Variants in ELOVL7 observed in about 807,000 individuals in gnomAD.
The protein encoded by ELOVL7 is ELOVL fatty acid elongase 7.
ELOVL7 carries 27 observed loss-of-function variants against 35.7 expected under a neutral mutation model. That is an observed-to-expected ratio of 0.76 (90% CI 0.56 to 1.04). ELOVL7 has a LOEUF of 1.04. Among genes scored for constraint, ELOVL7 ranks in the 50% least tolerant of loss-of-function variants. The probability of loss-of-function intolerance (pLI) is 0.00; values close to 1 mark genes in which losing one functional copy is unlikely to be tolerated. For missense variants in ELOVL7, 327 were observed against 340.8 expected (o/e 0.96, Z 0.32); for synonymous variants, 113 against 114.6 (o/e 0.99, Z 0.09).
intron 2 of ELOVL7, among the ~76,000 whole-genome samples, chr5:60,795,822 T>C (rs1373872052): frequency 7.1e-6 from 1 of 140,956 alleles, no homozygotes; most frequent in African/African-American, 2.7e-5. Context: ...TCCACGGTTC[T>C]CTTCCGTGAC....
At chr5:60,824,402 T>G (rs1017717238) in intron 1 of ELOVL7, among the ~76,000 whole-genome samples, 2 of 152,148 alleles carry the variant, frequency 1.3e-5, no homozygotes, top group Non-Finnish European at 2.9e-5. Context: ...CTCTAAGGCA[T>G]GTGGGATTGA....
chr5:60,797,909 T>C (rs1042651693), intron 2 of ELOVL7, among the ~76,000 whole-genome samples: 4 of 152,340 alleles, frequency 2.6e-5, no homozygotes, highest in South Asian at 2.1e-4. Context: ...GATAAATGCA[T>C]ACCTGATTGC....
chr5:60,802,143 C>A, intron 1 of ELOVL7, among the ~76,000 whole-genome samples: 1 of 132,764 alleles, frequency 7.5e-6, no homozygotes, highest in East Asian at 2.0e-4. Flanking sequence ...CACATATATC[C>A]TATTGGTTCT....
At chr5:60,841,218 G>T (rs1323460161) in intron 1 of ELOVL7, among the ~76,000 whole-genome samples, 1 of 151,814 alleles carries the variant, frequency 6.6e-6, no homozygotes, top group African/African-American at 2.4e-5. Context: ...TAGAGATGGG[G>T]TTTCACCATT....
At chr5:60,842,955 T>C (rs1476075115) in intron 1 of ELOVL7, among the ~76,000 whole-genome samples, 1 of 151,966 alleles carries the variant, frequency 6.6e-6, no homozygotes, top group African/African-American at 2.4e-5. Context: ...GGGAGACCAA[T>C]TTCTGATCAG....
chr5:60,835,559 A>C (rs1377959212), intron 1 of ELOVL7, among the ~76,000 whole-genome samples: 1 of 151,834 alleles, frequency 6.6e-6, no homozygotes, highest in East Asian at 1.9e-4. Flanking sequence ...CTACAGACGC[A>C]TGCCACCACA....
chr5:60,762,009 T>C (rs7733069), intron 7 of ELOVL7, among the ~76,000 whole-genome samples: 9,427 of 152,090 alleles, frequency 0.062, 560 homozygotes, highest in East Asian at 0.2. Flanking sequence ...GGGGTCATGA[T>C]GGTAGGAGTA....
chr5:60,820,245 A>G (rs1745806171), intron 1 of ELOVL7, among the ~76,000 whole-genome samples: 1 of 152,218 alleles, frequency 6.6e-6, no homozygotes, highest in Non-Finnish European at 1.5e-5. Context: ...TGGAGCTCCA[A>G]ATGGAGCCTC....
At chr5:60,779,349 T>G (rs1443350179) in intron 3 of ELOVL7, among the ~76,000 whole-genome samples, 1 of 152,202 alleles carries the variant, frequency 6.6e-6, no homozygotes, top group Admixed American at 6.5e-5. Context: ...AGGCTCTCCA[T>G]GAGGGCTCTA....
At chr5:60,756,398 T>TA in intron 8 of ELOVL7, among the ~76,000 whole-genome samples, 1 of 152,318 alleles carries the variant, frequency 6.6e-6, no homozygotes, top group Admixed American at 6.5e-5. Context: ...TCTCTTTGCT[T>TA]AATTAGGTGT....
intron 3 of ELOVL7, among the ~76,000 whole-genome samples, chr5:60,785,140 C>T (rs147296916): frequency 6.6e-6 from 1 of 152,240 alleles, no homozygotes; most frequent in East Asian, 1.9e-4. Context: ...TCCAAATCCC[C>T]ATATCCTCTC....
chr5:60,784,065 G>A (rs1411287813), intron 3 of ELOVL7: 3 of 987,900 alleles, frequency 3.0e-6, no homozygotes, highest in East Asian at 2.6e-5. Flanking sequence ...CCCAGGGAGA[G>A]AGCATAGGGA....
At chr5:60,779,283 G>C (rs1007555740) in intron 3 of ELOVL7, among the ~76,000 whole-genome samples, 1 of 152,212 alleles carries the variant, frequency 6.6e-6, no homozygotes, top group African/African-American at 2.4e-5. Context: ...CTGCCCAAGT[G>C]GGGACTAGGT....
At chr5:60,805,426 G>A (rs1579882623) in intron 1 of ELOVL7, among the ~76,000 whole-genome samples, 3 of 152,322 alleles carry the variant, frequency 2.0e-5, no homozygotes, top group East Asian at 3.9e-4. Flanking sequence ...CCTGATTCTG[G>A]AGGAACCAAA....
intron 3 of ELOVL7, among the ~76,000 whole-genome samples, chr5:60,773,346 G>A (rs1362725670): frequency 2.0e-5 from 3 of 152,150 alleles, no homozygotes; most frequent in Non-Finnish European, 4.4e-5. Context: ...CTTTTAAGCT[G>A]CTAATGATGT....
chr5:60,801,901 C>A (rs189898089), intron 1 of ELOVL7, among the ~76,000 whole-genome samples: 2 of 151,554 alleles, frequency 1.3e-5, no homozygotes, highest in Non-Finnish European at 2.9e-5. Flanking sequence ...GGCTCTCAGG[C>A]CTTTGGCCTC....
chr5:60,792,192 G>C (rs529509149), intron 2 of ELOVL7, among the ~76,000 whole-genome samples: 1 of 152,250 alleles, frequency 6.6e-6, no homozygotes, highest in East Asian at 1.9e-4. Context: ...AGTAACCATA[G>C]CTTTTTGGAG....
intron 3 of ELOVL7, 74 bp downstream of exon 3, chr5:60,787,260 T>C: frequency 7.8e-7 from 1 of 1,285,300 alleles, no homozygotes; most frequent in Non-Finnish European, 1.1e-6. Context: ...TCTGTTCCAG[T>C]GAAATCCTAT....
intron 1 of ELOVL7, among the ~76,000 whole-genome samples, chr5:60,834,279 T>C (rs947145705): frequency 8.6e-5 from 13 of 152,022 alleles, no homozygotes; most frequent in African/African-American, 2.9e-4. Context: ...GTAGCTGGGA[T>C]TACAGGTGCC....
Sources: allele counts gnomAD v4.1 joint callset (sites outside exome capture counted in the v4.1 genomes callset), GRCh38; gene constraint gnomAD v4.1.1; transcripts MANE v1.5; gene names NCBI Gene and HGNC (gene_info 2026-07-23, HGNC 2026-07-21).